The following VSTM4 variants were observed in gnomAD, a reference collection of about 807,000 sequenced individuals.
VSTM4 encodes the protein V-set and transmembrane domain-containing protein 4.
A neutral mutation model predicts 36.4 loss-of-function variants in VSTM4; 20 were observed. The ratio of observed to expected loss-of-function variants is 0.55; its 90% CI spans 0.39 to 0.80. The LOEUF (loss-of-function observed/expected upper bound fraction) is 0.80. Among genes scored for constraint, VSTM4 ranks in the 30% least tolerant of loss-of-function variants. The probability of loss-of-function intolerance (pLI) is 0.00; values close to 1 mark genes in which losing one functional copy is unlikely to be tolerated. For missense variants in VSTM4, 392 were observed against 404.5 expected (o/e 0.97, Z 0.26); for synonymous variants, 182 against 173.9 (o/e 1.05, Z -0.37).
intron 1 of VSTM4, among the ~76,000 whole-genome samples, chr10:49,115,150 C>G (rs1008110838): frequency 1.3e-5 from 2 of 152,162 alleles, no homozygotes; most frequent in Non-Finnish European, 2.9e-5. Context: ...CGGGGCCTGC[C>G]GCTGGGAAGA....
rs1843073470 is a variant in VSTM4 at position 49,014,419 on chromosome 10, C to T, written c.*5231G>A. On this transcript the variant is annotated 3_prime_UTR_variant, in exon 8 of 8. Coordinates refer to ENST00000332853, the MANE Select transcript of VSTM4 (RefSeq NM_001031746.5). ...TATTAGAAATTGGGCACCAAGTCGT[C>T]TTTCACCAGTGACAACAGAAGGAAC... is the stretch of plus-strand genomic sequence containing the variant. 6.6e-6 allele frequency: 1 copy of T among 152,224 alleles called. No individual in the cohort carries two copies. Among genetic ancestry groups the T allele is most frequent in the Admixed American group, 6.5e-5 (1 of 15,278 alleles). 9.4% of individuals were successfully genotyped at this position (152,224 alleles called of 1,614,324 possible).
intron 5 of VSTM4, among the ~76,000 whole-genome samples, chr10:49,053,512 G>A (rs952125320): frequency 6.6e-6 from 1 of 152,228 alleles, no homozygotes; most frequent in Non-Finnish European, 1.5e-5. Context: ...TGTAAAAGGG[G>A]AGGTGTATGT....
intron 4 of VSTM4, among the ~76,000 whole-genome samples, chr10:49,074,902 C>T (rs1449545083): frequency 1.3e-5 from 2 of 151,946 alleles, no homozygotes; most frequent in Non-Finnish European, 2.9e-5. Flanking sequence ...GGCTCAACTT[C>T]ACCCTACCGC....
At chr10:49,060,096 C>A (rs1843849156) in intron 5 of VSTM4, among the ~76,000 whole-genome samples, 1 of 152,140 alleles carries the variant, frequency 6.6e-6, no homozygotes, top group Non-Finnish European at 1.5e-5. Context: ...ATTTTGTTTT[C>A]CAATTCACAA....
chr10:49,078,208 G>T (rs1295546143), intron 3 of VSTM4, among the ~76,000 whole-genome samples: 2 of 152,188 alleles, frequency 1.3e-5, no homozygotes, highest in Admixed American at 1.3e-4. Context: ...AGACGTGGCT[G>T]GTGGGAATGT....
At chr10:49,079,913 T>C (rs1844249374) in intron 3 of VSTM4, among the ~76,000 whole-genome samples, 1 of 144,712 alleles carries the variant, frequency 6.9e-6, no homozygotes, top group African/African-American at 2.5e-5. Flanking sequence ...TGAGATCATA[T>C]ACTTTCACAT....
chr10:49,099,742 G>A (rs967109418), intron 2 of VSTM4, among the ~76,000 whole-genome samples: 29 of 152,208 alleles, frequency 1.9e-4, no homozygotes, highest in Admixed American at 1.6e-3. Flanking sequence ...ACATCAACAA[G>A]TTCATCTGGC....
At chr10:49,063,480 G>A (rs1843918570) in intron 5 of VSTM4, among the ~76,000 whole-genome samples, 1 of 152,128 alleles carries the variant, frequency 6.6e-6, no homozygotes, top group South Asian at 2.1e-4. Flanking sequence ...TTTTATAGTA[G>A]CTTGTCAGAA....
intron 3 of VSTM4, among the ~76,000 whole-genome samples, chr10:49,078,344 T>C (rs1844216768): frequency 6.6e-6 from 1 of 152,170 alleles, no homozygotes. Context: ...TAAGTTCACA[T>C]GGAAAACTGT....
intron 2 of VSTM4, among the ~76,000 whole-genome samples, chr10:49,099,806 T>C (rs2132017022): frequency 6.6e-6 from 1 of 152,332 alleles, no homozygotes; most frequent in Non-Finnish European, 1.5e-5. Flanking sequence ...AGAGATTCTG[T>C]CCCTTTCATT....
At chr10:49,062,480 A>T (rs956678054) in intron 5 of VSTM4, among the ~76,000 whole-genome samples, 2 of 152,194 alleles carry the variant, frequency 1.3e-5, no homozygotes, top group African/African-American at 4.8e-5. Context: ...TTTGGTATTT[A>T]AAAATGTGCC....
rs74674910 is a variant in VSTM4, at chr10:49,090,533, T to C, written c.458-4510A>G. The stretch of plus-strand genomic sequence containing the variant: ...CTGCTCTGTGCTCAGGTTTTCATGA[T>C]AGGGAGGAGAAATGAGACTTCCATC... On this transcript the variant is annotated intron_variant, in intron 2 of 7. Coordinates refer to ENST00000332853, the MANE Select transcript of VSTM4 (RefSeq NM_001031746.5). 9.9e-5 allele frequency among the ~76,000 whole-genome samples: 15 copies of C among 152,248 alleles called. 1 individual carries two copies. The East Asian group carries it at 2.1e-3, about 22-fold the overall frequency.
chr10:49,060,864 G>A (rs1056247236), intron 5 of VSTM4, among the ~76,000 whole-genome samples: 4 of 152,130 alleles, frequency 2.6e-5, no homozygotes, highest in Admixed American at 2.6e-4. Flanking sequence ...AAGGGTCTCA[G>A]TTTATGTTTC....
rs369685389 is a variant in VSTM4, at chr10:49,085,937, G to C, written c.526+18C>G. ...AGCAACTATAGAGCAATAAAAAAAA[G>C]AAATATACAAGCTTTACCTTCAAAA... On this transcript the variant is annotated intron_variant, in intron 3 of 7. Coordinates refer to ENST00000332853, the MANE Select transcript of VSTM4 (RefSeq NM_001031746.5). The C allele has an allele frequency of 3.3e-6, 5 of 1,510,830 alleles. No homozygotes were observed. The highest frequency in any genetic ancestry group is 4.5e-6 in the Non-Finnish European group (5 of 1,115,096). 93.6% of individuals were successfully genotyped at this position (1,510,830 alleles called of 1,614,324 possible).
chr10:49,046,953 A>G (rs886726251), intron 7 of VSTM4, 30 bp downstream of exon 7: 1 of 1,605,006 alleles, frequency 6.2e-7, no homozygotes, highest in African/African-American at 1.3e-5. Context: ...GGCTTAAGGT[A>G]TGATAGGAAT....
At chr10:49,074,401 T>C (rs1333433666) in intron 4 of VSTM4, among the ~76,000 whole-genome samples, 2 of 152,230 alleles carry the variant, frequency 1.3e-5, no homozygotes, top group Admixed American at 1.3e-4. Context: ...ACTCCAAGCA[T>C]GGCCTCACAC....
intron 7 of VSTM4, among the ~76,000 whole-genome samples, chr10:49,027,206 C>T (rs1046601880): frequency 7.9e-5 from 12 of 152,178 alleles, no homozygotes; most frequent in African/African-American, 2.9e-4. Flanking sequence ...CAGAACTGCT[C>T]CCTGGCCAGT....
intron 5 of VSTM4, among the ~76,000 whole-genome samples, chr10:49,051,466 G>T (rs1843697362): frequency 6.7e-6 from 1 of 148,464 alleles, no homozygotes; most frequent in Admixed American, 6.9e-5. Context: ...CACGATGTCA[G>T]CTCACTGCAA....
chr10:49,019,485 G>T lies in VSTM4; in HGVS notation c.*165C>A, dbSNP rs1483968957. The T allele has an allele frequency of 1.9e-5, 17 of 906,672 alleles. No individual in the cohort carries two copies. The East Asian group carries it at 5.0e-4, about 27-fold the overall frequency. 56.2% of individuals were successfully genotyped at this position (906,672 alleles called of 1,614,324 possible). On this transcript the variant is annotated 3_prime_UTR_variant, in exon 8 of 8. Transcript: ENST00000332853. ...GCTGTGGCCCCGATTCTTTTGGGGA[G>T]AGCAGGCTTGTACCTCTTCAAAGGC... is the stretch of plus-strand genomic sequence containing the variant.
Sources: gnomAD v4.1 joint callset for allele counts (sites outside exome capture counted in the v4.1 genomes callset) on GRCh38, gnomAD v4.1.1 for gene constraint, MANE v1.5 for transcripts, NCBI Gene and HGNC (gene_info 2026-07-23, HGNC 2026-07-21) for gene names.